Variants in AACS observed in about 807,000 individuals in gnomAD.
AACS encodes acetoacetate-CoA ligase.
AACS carries 69 observed loss-of-function variants against 83.1 expected under a neutral mutation model. The observed-to-expected ratio is 0.83, with a 90% confidence interval of 0.68 to 1.01. AACS has a LOEUF of 1.01. Ranked by LOEUF, AACS falls within the 50% of genes least tolerant of loss-of-function variation. The pLI, the probability that AACS is intolerant of heterozygous loss-of-function variation, is 0.00. For missense variants in AACS, 866 were observed against 882.2 expected (o/e 0.98, Z 0.23); for synonymous variants, 333 against 343.4 (o/e 0.97, Z 0.33).
At chr12:125,114,407 G>A in intron 8 of AACS, 70 bp from the exon 9 acceptor site, 1 of 1,321,054 alleles carries the variant, frequency 7.6e-7, no homozygotes, top group South Asian at 1.2e-5. Flanking sequence ...GCAGCGCGTG[G>A]GCCAGGTACC....
At chr12:125,067,336 C>T (rs1955729341) in intron 1 of AACS, among the ~76,000 whole-genome samples, 1 of 152,186 alleles carries the variant, frequency 6.6e-6, no homozygotes, top group Admixed American at 6.5e-5. Flanking sequence ...CAGGAGGCTG[C>T]CATGTGGGAT....
At chr12:125,087,624 T>C (rs1956368832) in intron 4 of AACS, among the ~76,000 whole-genome samples, 1 of 152,178 alleles carries the variant, frequency 6.6e-6, no homozygotes. Context: ...GGCTTGGGCT[T>C]TGGAGCCTTG....
intron 4 of AACS, among the ~76,000 whole-genome samples, chr12:125,088,213 A>G (rs929887919): frequency 2.0e-5 from 3 of 149,992 alleles, no homozygotes; most frequent in Non-Finnish European, 4.4e-5. Context: ...TGGGCTGATC[A>G]TCAGAGCAGA....
At chr12:125,087,233 A>G (rs544416804) in intron 4 of AACS, among the ~76,000 whole-genome samples, 2 of 152,304 alleles carry the variant, frequency 1.3e-5, no homozygotes, top group African/African-American at 4.8e-5. Flanking sequence ...TTCTGGAAGG[A>G]GCAGGGGCTG....
In AACS at chr12:125,107,172, G is replaced by T; in HGVS notation, c.819G>T (p.Gln273His). 1.2e-6 allele frequency: 2 copies of T among 1,614,192 alleles called. No individual in the cohort carries two copies. Among genetic ancestry groups the T allele is most frequent in the Non-Finnish European group, 1.7e-6 (2 of 1,180,050 alleles). Residue 273 changes from glutamine (Q) to histidine (H), a missense_variant, in exon 8 of 18, where the codon CAG becomes CAT. Gln to His is a conservative substitution (Grantham distance 24, BLOSUM62 0). Transcript: ENST00000316519. ...CCGGCACCAGTGAGCAGGCCCCGCAGCTGGAGTTCGAGCAGCTGCCCTTCA... is the reference window on the plus strand; with the variant it reads ...CCGGCACCAGTGAGCAGGCCCCGCATCTGGAGTTCGAGCAGCTGCCCTTCA... ...LATGTSEQAP[Q>H]LEFEQLPFSH...
At chr12:125,093,062 C>G (rs1956524082) in intron 5 of AACS, among the ~76,000 whole-genome samples, 1 of 152,192 alleles carries the variant, frequency 6.6e-6, no homozygotes, top group African/African-American at 2.4e-5. Context: ...ATGGCAGGAG[C>G]CACGTTTGTG....
At chr12:125,131,385 T>A (rs1957326972) in intron 14 of AACS, among the ~76,000 whole-genome samples, 1 of 152,012 alleles carries the variant, frequency 6.6e-6, no homozygotes, top group Non-Finnish European at 1.5e-5. Context: ...TTAATTTTTG[T>A]ATTTTTTGTA....
chr12:125,109,923 C>T (rs182368918), intron 8 of AACS, among the ~76,000 whole-genome samples: 29 of 152,170 alleles, frequency 1.9e-4, no homozygotes, highest in African/African-American at 4.6e-4. Context: ...TGTTCTTCTC[C>T]GTGCATCTAT....
intron 3 of AACS, 34 bp downstream of exon 3, chr12:125,076,645 C>T (rs762065965): frequency 1.6e-5 from 26 of 1,612,266 alleles, no homozygotes; most frequent in Middle Eastern, 1.7e-4. Flanking sequence ...GGATTTCCTC[C>T]GTGGAAGTTC....
intron 9 of AACS, among the ~76,000 whole-genome samples, chr12:125,115,776 T>C (rs1156332017): frequency 6.6e-6 from 1 of 151,324 alleles, no homozygotes; most frequent in African/African-American, 2.4e-5. Context: ...CCCCTGGGAC[T>C]GCACACAGAT....
intron 4 of AACS, among the ~76,000 whole-genome samples, chr12:125,089,036 T>C (rs1956402328): frequency 6.6e-6 from 1 of 152,180 alleles, no homozygotes; most frequent in African/African-American, 2.4e-5. Flanking sequence ...TGATGTACCA[T>C]GGGAGAAGGG....
At position 125,134,005 on chromosome 12, in the gene AACS, A is replaced by G; in HGVS notation, c.1552A>G (p.Ile518Val). 22 of 1,614,102 alleles carry G rather than the reference A, an allele frequency of 1.4e-5. No homozygotes were observed. The highest frequency in any genetic ancestry group is 1.7e-5 in the Non-Finnish European group (20 of 1,180,012). Residue 518 changes from isoleucine (I) to valine (V), a missense_variant and splice_region_variant, in exon 15 of 18, where the codon ATC (isoleucine) becomes GTC (valine). Coordinates refer to ENST00000316519, the MANE Select transcript of AACS (RefSeq NM_023928.5). ...GGGCACCTCTGCTGTCTTTGCAGGT[A>G]TCTGGGCTCATGGCGACTACTGCAG... ...RKAYFSKFPG[I>V]WAHGDYCRIN...
intron 3 of AACS, among the ~76,000 whole-genome samples, chr12:125,085,858 C>T (rs890289103): frequency 2.6e-4 from 40 of 152,158 alleles, no homozygotes; most frequent in Non-Finnish European, 3.5e-4. Flanking sequence ...CACTGTTGCT[C>T]AGGCTGGAGG....
chr12:125,069,380 G>A (rs919871149), intron 1 of AACS, among the ~76,000 whole-genome samples: 8 of 152,222 alleles, frequency 5.3e-5, no homozygotes, highest in African/African-American at 1.9e-4. Flanking sequence ...CCAGACCAAG[G>A]TTGGCAGGAC....
chr12:125,068,215 G>A (rs574795905), intron 1 of AACS, among the ~76,000 whole-genome samples: 10 of 152,156 alleles, frequency 6.6e-5, no homozygotes, highest in Non-Finnish European at 1.5e-4. Flanking sequence ...CTAGCACTTG[G>A]AGAAGCTGAG....
rs1438392110 is a variant in AACS, at chr12:125,065,662, C to A, written c.78C>A (p.Asn26Lys). The change falls in exon 1 of 18, where the codon AAC (asparagine) becomes AAA (lysine). Residue 26 changes from asparagine to lysine, a missense_variant. Asn to Lys is a moderately conservative substitution (Grantham distance 94). Coordinates refer to ENST00000316519, the MANE Select transcript of AACS (RefSeq NM_023928.5). ...TGTGGGAGCCTGACAGTAAGAAGAA[C>A]ACGCAGATGGACCGCTTCCGGGCGG... ...QVMWEPDSKK[N>K]TQMDRFRAAV... 4 of 1,546,978 alleles carry A rather than the reference C, an allele frequency of 2.6e-6. No individual in the cohort carries two copies. In the Admixed American group the frequency reaches 7.9e-5, roughly 31 times the overall value.
At chr12:125,075,584 G>A (rs1248388557) in intron 2 of AACS, among the ~76,000 whole-genome samples, 1 of 148,544 alleles carries the variant, frequency 6.7e-6, no homozygotes, top group East Asian at 2.0e-4. Flanking sequence ...GAGCCACTGT[G>A]CCCAGCTGGA....
chr12:125,068,792 T>C (rs1180489590), intron 1 of AACS, among the ~76,000 whole-genome samples: 1 of 152,072 alleles, frequency 6.6e-6, no homozygotes, highest in Non-Finnish European at 1.5e-5. Context: ...TCCAAGCACA[T>C]GTAATTTGGG....
Position 125,129,464 on chromosome 12 carries a change from G to C in AACS, c.1549+4G>C, listed in dbSNP as rs769160531. 1.2e-6 allele frequency: 2 copies of C among 1,612,634 alleles called. No individual in the cohort carries two copies. The highest frequency in any genetic ancestry group is 2.7e-5 in the African/African-American group (2 of 74,876). On this transcript the variant is annotated splice_donor_region_variant and intron_variant, in intron 14 of 17. Transcript: ENST00000316519. The surrounding 1 kb of genome is among the most constrained non-coding windows in gnomAD (Gnocchi z 4.3). ...GCGTATTTCTCCAAATTCCCAGGTC[G>C]GTTGGAGAGATGCAGACAGAGCTGG...
Sources: gnomAD v4.1 joint callset for allele counts (sites outside exome capture counted in the v4.1 genomes callset) on GRCh38, gnomAD v4.1.1 for gene constraint, Gnocchi (gnomAD v3.1) non-coding constraint, MANE v1.5 for transcripts, NCBI Gene and HGNC (gene_info 2026-07-23, HGNC 2026-07-21) for gene names.